ANKRD30BL: variants seen among roughly 807,000 people sequenced by gnomAD.
ANKRD30BL encodes the protein putative ankyrin repeat domain-containing protein 30B-like.
A neutral mutation model predicts 18.4 loss-of-function variants in ANKRD30BL; 20 were observed. That is an observed-to-expected ratio of 1.09 (90% CI 0.77 to 1.58). The LOEUF is 1.58. Ranked by LOEUF, ANKRD30BL falls within the 40% of genes most tolerant of loss-of-function variation. The pLI is 0.00. For synonymous variants in ANKRD30BL, 72 were observed against 100.9 expected (o/e 0.71, Z 1.72); for missense variants, 224 against 268.6 (o/e 0.83, Z 1.16).
chr2:132,161,712 A>T lies in ANKRD30BL; in HGVS notation c.-7T>A. On this transcript the variant is annotated 5_prime_UTR_variant, in exon 1 of 6. Transcript: ENST00000409867. ...CGGCAGAGAGCCTCTCCATGGCTGCAGCCACCTGCTAGAGAGAGCCCGTGC... is the reference window on the plus strand; with the variant it reads ...CGGCAGAGAGCCTCTCCATGGCTGCTGCCACCTGCTAGAGAGAGCCCGTGC... The T allele has an allele frequency of 1.5e-6, 2 of 1,365,788 alleles. No homozygotes were observed. The highest frequency in any genetic ancestry group is 2.0e-6 in the Non-Finnish European group (2 of 980,582). 84.6% of individuals were successfully genotyped at this position (1,365,788 alleles called of 1,614,324 possible).
chr2:132,152,241 C>T (rs1224420445), intron 4 of ANKRD30BL: 2 of 152,192 alleles, frequency 1.3e-5, no homozygotes, highest in Admixed American at 1.3e-4. Context: ...TTGGGGACTC[C>T]AAGAAATATG....
intron 1 of ANKRD30BL, among the ~76,000 whole-genome samples, chr2:132,207,345 TG>T (rs748214161): frequency 1.3e-5 from 2 of 152,072 alleles, no homozygotes; most frequent in Non-Finnish European, 2.9e-5. Flanking sequence ...TAAAACATTA[TG>T]GTAAAATACA....
intron 1 of ANKRD30BL, among the ~76,000 whole-genome samples, chr2:132,245,665 G>A (rs1032595720): frequency 1.3e-5 from 2 of 152,274 alleles, no homozygotes; most frequent in African/African-American, 4.8e-5. Context: ...TCTGATGTGT[G>A]TACTCAACTC....
At chr2:132,176,212 G>A (rs1366090094) in intron 1 of ANKRD30BL, among the ~76,000 whole-genome samples, 1 of 151,764 alleles carries the variant, frequency 6.6e-6, no homozygotes, top group African/African-American at 2.4e-5. Flanking sequence ...TGGCCAACAT[G>A]GTGAAACCTC....
chr2:132,168,309 G>T (rs988693283), intron 1 of ANKRD30BL, among the ~76,000 whole-genome samples: 2 of 152,036 alleles, frequency 1.3e-5, no homozygotes, highest in Non-Finnish European at 2.9e-5. Flanking sequence ...TGAATTGTTT[G>T]CTTTCTTGTG....
chr2:132,242,624 G>A (rs1308622586), intron 1 of ANKRD30BL, among the ~76,000 whole-genome samples: 1 of 151,416 alleles, frequency 6.6e-6, no homozygotes, highest in Non-Finnish European at 1.5e-5. Context: ...GCTTTCTTTT[G>A]ATACAGCAGT....
chr2:132,235,708 A>G (rs535954279), intron 1 of ANKRD30BL, among the ~76,000 whole-genome samples: 4 of 152,188 alleles, frequency 2.6e-5, no homozygotes, highest in Admixed American at 2.0e-4. Context: ...CGAATGGAAG[A>G]ACATTCCATG....
At chr2:132,194,473 G>T (rs1435894732) in intron 1 of ANKRD30BL, among the ~76,000 whole-genome samples, 2 of 152,218 alleles carry the variant, frequency 1.3e-5, no homozygotes, top group Non-Finnish European at 2.9e-5. Context: ...AGAGCTACAT[G>T]GGGATTGTAT....
intron 1 of ANKRD30BL, chr2:132,257,193 G>C: frequency 2.3e-6 from 1 of 434,422 alleles, no homozygotes; most frequent in Non-Finnish European, 4.6e-6. Context: ...CCTCCAACCC[G>C]GTCAAGCTCC....
At chr2:132,227,359 A>G (rs1679874975) in intron 1 of ANKRD30BL, among the ~76,000 whole-genome samples, 1 of 151,794 alleles carries the variant, frequency 6.6e-6, no homozygotes, top group Non-Finnish European at 1.5e-5. Context: ...TGAGGCCTAT[A>G]GTGGAAAAGG....
In ANKRD30BL at chr2:132,222,832, TAAAAAAAAAAAAAAAAAAAA is replaced by T. The variant is rs71001178; in HGVS notation, n.441+34677_441+34696del. 7.4e-3 allele frequency among the ~76,000 whole-genome samples: 393 copies of T among 52,850 alleles called. 8 individuals carry two copies. The highest frequency in any genetic ancestry group is 9.7e-3 in the Non-Finnish European group (258 of 26,678). 34.7% of individuals were successfully genotyped at this position (52,850 alleles called of 152,430 possible). ...GTGAGAAACAGCCAAGAATGATCAA[TAAAAAAAAAAAAAAAAAAAA>T]AAAAAAAAAAAAGAAACACTGTTTT... is the stretch of plus-strand genomic sequence containing the variant. On this transcript the variant is annotated intron_variant and non_coding_transcript_variant, in intron 1 of 4. Transcript: ENST00000470729.
intron 1 of ANKRD30BL, among the ~76,000 whole-genome samples, chr2:132,178,420 G>A (rs1467520098): frequency 6.6e-6 from 1 of 152,184 alleles, no homozygotes; most frequent in Non-Finnish European, 1.5e-5. Context: ...ATTCCAGGTG[G>A]CCAGATGATT....
chr2:132,164,121 A>T (rs549718609), upstream of ANKRD30BL, among the ~76,000 whole-genome samples: 9 of 152,240 alleles, frequency 5.9e-5, no homozygotes, highest in African/African-American at 1.9e-4. Context: ...TTAACTGTCT[A>T]GTTCCAATAT....
Position 132,189,466 on chromosome 2 carries a change from C to A in ANKRD30BL, n.442-32320G>T, listed in dbSNP as rs1243532407. 3.3e-5 allele frequency among the ~76,000 whole-genome samples: 5 copies of A among 151,780 alleles called. No homozygotes were observed. The East Asian group carries it at 9.7e-4, about 29-fold the overall frequency. ...TGCAGCATTCTCTCTTTTACCTCCC[C>A]CAAAGCACTGTAATATGGCTTTTGG... On this transcript the variant is annotated intron_variant and non_coding_transcript_variant, in intron 1 of 4. Coordinates refer to the ANKRD30BL transcript ENST00000470729.
chr2:132,221,888 C>T (rs1187236083), intron 1 of ANKRD30BL, among the ~76,000 whole-genome samples: 2 of 123,730 alleles, frequency 1.6e-5, no homozygotes, highest in Non-Finnish European at 3.3e-5. Context: ...GCCCCCTGCC[C>T]AGCCAGCCGC....
upstream of ANKRD30BL, among the ~76,000 whole-genome samples, chr2:132,164,300 G>T (rs1688148287): frequency 8.6e-6 from 1 of 116,510 alleles, no homozygotes; most frequent in Admixed American, 9.7e-5. Flanking sequence ...TTTTAAGATG[G>T]AGTTCTGCTC....
chr2:132,185,140 A>G lies in ANKRD30BL; in HGVS notation n.442-27994T>C, dbSNP rs201440349. Among the ~76,000 whole-genome samples, 737 of 152,234 alleles carry G rather than the reference A, an allele frequency of 4.8e-3. 10 individuals are homozygous for G. The East Asian group carries it at 0.061, about 13-fold the overall frequency. ...AACTCTTTAAAGTACTCAACCTATCATAAGACTAGTAGGTGTTTCTCAACT... is the reference window on the plus strand; with the variant it reads ...AACTCTTTAAAGTACTCAACCTATCGTAAGACTAGTAGGTGTTTCTCAACT... On this transcript the variant is annotated intron_variant and non_coding_transcript_variant, in intron 1 of 4. Transcript: ENST00000470729.
chr2:132,231,769 C>T (rs1046117572), intron 1 of ANKRD30BL, among the ~76,000 whole-genome samples: 1 of 152,206 alleles, frequency 6.6e-6, no homozygotes, highest in Non-Finnish European at 1.5e-5. Context: ...GGGAGGGGCA[C>T]CCGCCATTAC....
upstream of ANKRD30BL, among the ~76,000 whole-genome samples, chr2:132,163,887 C>T (rs1290344518): frequency 6.6e-6 from 1 of 152,130 alleles, no homozygotes; most frequent in African/African-American, 2.4e-5. Context: ...GCTTCTAGAC[C>T]GTCTTAGTTT....
Sources: gnomAD v4.1 joint callset for allele counts (sites outside exome capture counted in the v4.1 genomes callset) on GRCh38, gnomAD v4.1.1 for gene constraint, MANE v1.5 for transcripts, NCBI Gene and HGNC (gene_info 2026-07-23, HGNC 2026-07-21) for gene names.